ALPK2: variants seen among roughly 807,000 people sequenced by gnomAD.
ALPK2 encodes alpha-protein kinase 2.
Under a neutral mutation model 163.1 loss-of-function variants are expected in ALPK2, and 127 were observed. The observed-to-expected ratio is 0.78, with a 90% confidence interval of 0.67 to 0.90. The LOEUF (loss-of-function observed/expected upper bound fraction) is 0.90, where lower values mean the gene tolerates loss of function less well. Ranked by LOEUF, ALPK2 falls within the 40% of genes least tolerant of loss-of-function variation. The probability of loss-of-function intolerance (pLI) is 0.00; values close to 1 mark genes in which losing one functional copy is unlikely to be tolerated. For synonymous variants in ALPK2, 953 were observed against 959.1 expected (o/e 0.99, Z 0.12); for missense variants, 2,360 against 2,589.6 (o/e 0.91, Z 1.92).
chr18:58,578,013 T>C (rs141225012), intron 4 of ALPK2: 6 of 152,328 alleles, frequency 3.9e-5, no homozygotes, highest in Non-Finnish European at 5.9e-5. Flanking sequence ...CAAAGCTCAT[T>C]TGGGACCCTT....
Position 58,536,539 on chromosome 18 carries a change from A to G in ALPK2, c.3648T>C (p.Asp1216=). 1 of 1,613,894 alleles carries G rather than the reference A, an allele frequency of 6.2e-7. No homozygotes were observed. ...ATTCTTTAGACTCTTCCAAAAGGAT[A>G]TCAGAGAGAGATGGAACGTTGCTCA... ...QALSNVPSLS[D]ILLEESKEYR... The change falls in exon 5 of 13, where the codon GAT becomes GAC. Residue 1216 remains aspartate, a synonymous_variant. Transcript: ENST00000361673.
chr18:58,550,019 G>A (rs2051742699), intron 4 of ALPK2, among the ~76,000 whole-genome samples: 1 of 152,088 alleles, frequency 6.6e-6, no homozygotes, highest in Admixed American at 6.5e-5. Context: ...GCTCTGAGCA[G>A]GGAAGGCTGT....
rs763643512 is a variant in ALPK2, at chr18:58,565,762, CCTTCCTTCCTTT to C, written c.1962+13040_1962+13051del. ...TCCTTCCTTCCTTCCTTCCTTCCTTCCTTCCTTCCTTTCTTTCTTTCTTTCTTCCTTTCTTCC... is the reference window on the plus strand; with the variant it reads ...TCCTTCCTTCCTTCCTTCCTTCCTTCCTTTCTTTCTTTCTTCCTTTCTTCC... On this transcript the variant is annotated intron_variant, in intron 4 of 12. Transcript: ENST00000361673. 9.0e-3 allele frequency among the ~76,000 whole-genome samples: 1,283 copies of C among 143,238 alleles called. 9 individuals are homozygous for C. The highest frequency in any genetic ancestry group is 0.019 in the African/African-American group (697 of 37,618). 94.0% of individuals were successfully genotyped at this position (143,238 alleles called of 152,430 possible). A position where few individuals can be genotyped will look rare whatever the true frequency, so the allele number is the denominator to read the frequency against.
At chr18:58,592,670 G>A (rs953162537) in intron 3 of ALPK2, among the ~76,000 whole-genome samples, 4 of 152,316 alleles carry the variant, frequency 2.6e-5, no homozygotes, top group African/African-American at 9.6e-5. Context: ...TGTGTGAACT[G>A]CAGGGGAAAG....
rs538456739 is a variant in ALPK2, at chr18:58,481,733, C to T, written c.*90G>A. The T allele has an allele frequency of 5.6e-6, 6 of 1,069,186 alleles. No individual in the cohort carries two copies. The highest frequency in any genetic ancestry group is 1.6e-5 in the African/African-American group (1 of 63,180). The allele number at this position is 1,069,186 out of a possible 1,614,324, so 66.2% of individuals were successfully genotyped here. A position where few individuals can be genotyped will look rare whatever the true frequency, so the allele number is the denominator to read the frequency against. On this transcript the variant is annotated 3_prime_UTR_variant, in exon 13 of 13. Transcript: ENST00000361673. ...AGTAAGGATTGCCACGCACTCTCTG[C>T]AGGCTGTATATTCTCTCCTGTGTGG...
chr18:58,597,492 G>A (rs983955090), intron 3 of ALPK2, among the ~76,000 whole-genome samples: 4 of 152,170 alleles, frequency 2.6e-5, no homozygotes, highest in Non-Finnish European at 4.4e-5. Context: ...TACGGAAATC[G>A]TGGCAGACAG....
At chr18:58,484,191 A>G (rs538398687) in intron 12 of ALPK2, among the ~76,000 whole-genome samples, 3 of 152,240 alleles carry the variant, frequency 2.0e-5, no homozygotes, top group African/African-American at 2.4e-5. Flanking sequence ...TCATTTGTCT[A>G]TTTTTGTGTT....
At chr18:58,601,231 G>A (rs945748427) in intron 3 of ALPK2, among the ~76,000 whole-genome samples, 4 of 151,938 alleles carry the variant, frequency 2.6e-5, no homozygotes, top group Admixed American at 1.3e-4. Context: ...ACTCCAGCCT[G>A]GGCAACAGTG....
chr18:58,565,219 G>A (rs1180375199), intron 4 of ALPK2, among the ~76,000 whole-genome samples: 1 of 152,176 alleles, frequency 6.6e-6, no homozygotes, highest in Non-Finnish European at 1.5e-5. Flanking sequence ...CACACATGAT[G>A]TCACATGCTT....
chr18:58,621,943 G>A (rs2052202918), intron 1 of ALPK2, among the ~76,000 whole-genome samples: 1 of 151,756 alleles, frequency 6.6e-6, no homozygotes, highest in Admixed American at 6.6e-5. Flanking sequence ...TTTATTTTAG[G>A]TGGAAGAGTC....
chr18:58,603,946 G>C (rs1159167864), intron 3 of ALPK2, among the ~76,000 whole-genome samples: 1 of 152,130 alleles, frequency 6.6e-6, no homozygotes, highest in Admixed American at 6.5e-5. Flanking sequence ...TAATGTAAAG[G>C]TTACAACAGC....
chr18:58,551,244 C>A (rs2144164702), intron 4 of ALPK2, among the ~76,000 whole-genome samples: 1 of 152,294 alleles, frequency 6.6e-6, no homozygotes, highest in African/African-American at 2.4e-5. Context: ...TCCCTCAGTT[C>A]TGGAGGCCAG....
chr18:58,585,241 ATC>A (rs745339748), intron 3 of ALPK2, among the ~76,000 whole-genome samples: 3 of 152,244 alleles, frequency 2.0e-5, no homozygotes, highest in Non-Finnish European at 4.4e-5. Context: ...TATGGGTTAT[ATC>A]TGTCAATATT....
intron 12 of ALPK2, among the ~76,000 whole-genome samples, chr18:58,495,355 T>C (rs1000428515): frequency 2.6e-5 from 4 of 152,162 alleles, no homozygotes; most frequent in African/African-American, 9.7e-5. Flanking sequence ...TCCCAGCTCC[T>C]GCTCCCTGGC....
intron 12 of ALPK2, among the ~76,000 whole-genome samples, chr18:58,488,053 C>T (rs1030144805): frequency 2.6e-5 from 4 of 152,050 alleles, no homozygotes; most frequent in Admixed American, 2.6e-4. Context: ...ATTGATGTCA[C>T]TGGTCCAGGG....
intron 1 of ALPK2, among the ~76,000 whole-genome samples, chr18:58,615,232 T>A (rs2052159774): frequency 6.6e-6 from 1 of 152,190 alleles, no homozygotes; most frequent in Non-Finnish European, 1.5e-5. Context: ...GCAATGCTTT[T>A]CAGAAGCAAC....
chr18:58,510,505 T>A (rs1387043575), intron 10 of ALPK2, among the ~76,000 whole-genome samples: 2 of 152,270 alleles, frequency 1.3e-5, no homozygotes, highest in Non-Finnish European at 2.9e-5. Flanking sequence ...TATTGATTCT[T>A]CCTACCTATG....
rs992909691 is a variant in ALPK2 at position 58,578,742 on chromosome 18, A to G, written c.1962+72T>C. ...GTGAAGTAAAGGAAGAGACACACAC[A>G]CACACACACACACACACACACACAC... On this transcript the variant is annotated intron_variant, in intron 4 of 12. Coordinates refer to ENST00000361673, the MANE Select transcript of ALPK2 (RefSeq NM_052947.4). The G allele has an allele frequency of 2.4e-5, 29 of 1,231,952 alleles. No homozygotes were observed. In the African/African-American group the frequency reaches 3.2e-4, roughly 14 times the overall value. 76.3% of individuals were successfully genotyped at this position (1,231,952 alleles called of 1,614,324 possible). A position where few individuals can be genotyped will look rare whatever the true frequency, so the allele number is the denominator to read the frequency against.
At chr18:58,571,037 C>CT (rs1291139922) in intron 4 of ALPK2, among the ~76,000 whole-genome samples, 1 of 151,236 alleles carries the variant, frequency 6.6e-6, no homozygotes, top group Non-Finnish European at 1.5e-5. Context: ...CTTTTTTTTT[C>CT]TTTTTTTGAG....
Sources: gnomAD v4.1 joint callset for allele counts (sites outside exome capture counted in the v4.1 genomes callset) on GRCh38, gnomAD v4.1.1 for gene constraint, MANE v1.5 for transcripts, NCBI Gene and HGNC (gene_info 2026-07-23, HGNC 2026-07-21) for gene names.